Variants in PRKAR2B observed in about 807,000 individuals in gnomAD.
PRKAR2B encodes cAMP-dependent protein kinase type II-beta regulatory subunit.
A neutral mutation model predicts 49.9 loss-of-function variants in PRKAR2B; 14 were observed. That is an observed-to-expected ratio of 0.28 (90% confidence interval 0.19 to 0.44). The LOEUF is 0.44. Ranked by LOEUF, PRKAR2B falls within the 20% of genes least tolerant of loss-of-function variation. The pLI is 1.00. For missense variants in PRKAR2B, 393 were observed against 537.9 expected (o/e 0.73, Z 2.67); for synonymous variants, 196 against 197.7 (o/e 0.99, Z 0.07).
intron 4 of PRKAR2B, among the ~76,000 whole-genome samples, chr7:107,139,854 T>C (rs1164165355): frequency 6.6e-6 from 1 of 152,242 alleles, no homozygotes; most frequent in East Asian, 1.9e-4. Flanking sequence ...ACTTGCATCT[T>C]TTTTCCCCTT....
rs754167685 is a variant in PRKAR2B at position 107,159,446 on chromosome 7, C to T, written c.1124-3C>T. ...TTTAAAAAAAAATCTTCTCTTTTCT[C>T]AGCAATGGATGTGCAAGCATTTGAA... On this transcript the variant is annotated splice_region_variant and splice_polypyrimidine_tract_variant and intron_variant, in intron 10 of 10. Transcript: ENST00000265717. The T allele has an allele frequency of 1.2e-5, 19 of 1,612,186 alleles. No individual in the cohort carries two copies. The highest frequency in any genetic ancestry group is 2.7e-5 in the African/African-American group (2 of 74,822).
At chr7:107,048,410 T>C (rs1793738722) in intron 1 of PRKAR2B, among the ~76,000 whole-genome samples, 1 of 152,172 alleles carries the variant, frequency 6.6e-6, no homozygotes, top group African/African-American at 2.4e-5. Context: ...TTTTTTTCTT[T>C]TAGTAATGCT....
At chr7:107,136,319 G>A (rs1033177825) in intron 4 of PRKAR2B, among the ~76,000 whole-genome samples, 2 of 152,126 alleles carry the variant, frequency 1.3e-5, no homozygotes, top group Admixed American at 6.5e-5. Flanking sequence ...GAATTGATAA[G>A]CTGGACTTCA....
At chr7:107,060,991 A>G (rs567842258) in intron 1 of PRKAR2B, among the ~76,000 whole-genome samples, 1 of 152,088 alleles carries the variant, frequency 6.6e-6, no homozygotes, top group East Asian at 1.9e-4. Flanking sequence ...GTATTGACTC[A>G]TTTTTTCCCC....
At chr7:107,102,669 A>AT (rs914635842) in intron 2 of PRKAR2B, among the ~76,000 whole-genome samples, 3 of 152,014 alleles carry the variant, frequency 2.0e-5, no homozygotes, top group African/African-American at 7.2e-5. Context: ...GGAAGAAAAG[A>AT]TTTTTTTGTT....
intron 1 of PRKAR2B, among the ~76,000 whole-genome samples, chr7:107,053,974 G>A (rs1050159800): frequency 2.0e-5 from 3 of 152,206 alleles, no homozygotes; most frequent in Non-Finnish European, 2.9e-5. Flanking sequence ...TGTTTAGCAT[G>A]TGCTTGGATT....
chr7:107,070,282 T>A lies in PRKAR2B; in HGVS notation c.309T>A (p.Ala103=). Residue 103 remains alanine (A), a splice_region_variant and synonymous_variant, in exon 2 of 11, where the codon GCT becomes GCA. Coordinates refer to ENST00000265717, the MANE Select transcript of PRKAR2B (RefSeq NM_002736.3). ...AAPADAGAFN[A]PVINRFTRRA... Reference sequence around the variant, plus strand: ...ATATTATTCTGCTTTTTCTTTTAGCTCCAGTAATAAACCGATTCACAAGGC... The same window carrying A: ...ATATTATTCTGCTTTTTCTTTTAGCACCAGTAATAAACCGATTCACAAGGC... 1 of 1,607,200 alleles carries A rather than the reference T, an allele frequency of 6.2e-7. No homozygotes were observed. The highest frequency in any genetic ancestry group is 1.7e-5 in the Admixed American group (1 of 59,664).
chr7:107,159,090 C>A (rs762494793), intron 10 of PRKAR2B, among the ~76,000 whole-genome samples: 1 of 152,134 alleles, frequency 6.6e-6, no homozygotes, highest in Non-Finnish European at 1.5e-5. Context: ...CACTCTTGTG[C>A]CACCCTTGAG....
intron 3 of PRKAR2B, among the ~76,000 whole-genome samples, chr7:107,125,658 T>C (rs1048996279): frequency 2.0e-5 from 3 of 152,074 alleles, no homozygotes; most frequent in African/African-American, 4.8e-5. Context: ...TGAAGAGGGA[T>C]TTTACCGACG....
chr7:107,141,014 AT>A, intron 5 of PRKAR2B, 61 bp downstream of exon 5: 1 of 1,218,570 alleles, frequency 8.2e-7, no homozygotes, highest in Non-Finnish European at 1.2e-6. Flanking sequence ...AATCTCAACC[AT>A]TATTACGGCA....
chr7:107,117,356 TTAAA>T (rs1795295390), intron 2 of PRKAR2B, among the ~76,000 whole-genome samples: 1 of 152,192 alleles, frequency 6.6e-6, no homozygotes, highest in African/African-American at 2.4e-5. Flanking sequence ...TAATTATTAT[TTAAA>T]TAAGTATGCT....
intron 1 of PRKAR2B, chr7:107,068,978 A>C (rs559179213): frequency 1.3e-5 from 2 of 152,258 alleles, no homozygotes; most frequent in South Asian, 4.1e-4. Context: ...TGTGTCACCC[A>C]GGCTGGAGTG....
intron 2 of PRKAR2B, among the ~76,000 whole-genome samples, chr7:107,080,899 T>C (rs1256679079): frequency 1.3e-5 from 2 of 152,212 alleles, no homozygotes; most frequent in Non-Finnish European, 2.9e-5. Flanking sequence ...AGGTACATCA[T>C]TTATTAGCTG....
chr7:107,063,416 G>A lies in PRKAR2B; in HGVS notation c.308-6865G>A, dbSNP rs1794065869. 3.3e-5 allele frequency among the ~76,000 whole-genome samples: 5 copies of A among 152,304 alleles called. No homozygotes were observed. In the South Asian group the frequency reaches 1.0e-3, roughly 32 times the overall value. On this transcript the variant is annotated intron_variant, in intron 1 of 10. Transcript: ENST00000265717. ...TTCTAAGCCTTGGGGATACAGTAAT[G>A]AAGCAGACAGACAAGGAAAGACCCT...
intron 2 of PRKAR2B, among the ~76,000 whole-genome samples, chr7:107,093,998 A>G (rs999155260): frequency 3.3e-5 from 5 of 152,228 alleles, no homozygotes; most frequent in East Asian, 1.9e-4. Flanking sequence ...TTATAGCAGC[A>G]TGATTTATAA....
chr7:107,076,963 C>G (rs1794410860), intron 2 of PRKAR2B, among the ~76,000 whole-genome samples: 2 of 152,292 alleles, frequency 1.3e-5, no homozygotes, highest in African/African-American at 4.8e-5. Context: ...TTCCTTGATT[C>G]ACGGAACATA....
chr7:107,068,716 TAATG>T (rs1258536055), intron 1 of PRKAR2B: 1 of 152,178 alleles, frequency 6.6e-6, no homozygotes, highest in African/African-American at 2.4e-5. Context: ...TCTTTAATCA[TAATG>T]AAGATCATGA....
intron 2 of PRKAR2B, among the ~76,000 whole-genome samples, chr7:107,095,097 A>C (rs1794810501): frequency 6.6e-6 from 1 of 152,206 alleles, no homozygotes; most frequent in Admixed American, 6.5e-5. Flanking sequence ...TACCTTGGGC[A>C]GTATGGCCAT....
At chr7:107,057,251 T>G (rs890906003) in intron 1 of PRKAR2B, among the ~76,000 whole-genome samples, 3 of 152,180 alleles carry the variant, frequency 2.0e-5, no homozygotes, top group Non-Finnish European at 1.5e-5. Context: ...ATCCACCCGC[T>G]TACCAAATAC....
Sources: allele counts gnomAD v4.1 joint callset (sites outside exome capture counted in the v4.1 genomes callset), GRCh38; gene constraint gnomAD v4.1.1; transcripts MANE v1.5; gene names NCBI Gene and HGNC (gene_info 2026-07-23, HGNC 2026-07-21).